The following NAV2 variants were observed in gnomAD, a reference collection of about 807,000 sequenced individuals.
The protein encoded by NAV2 is neuron navigator 2.
NAV2 carries 54 observed loss-of-function variants against 223.2 expected under a neutral mutation model. That is an observed-to-expected ratio of 0.24 (90% CI 0.19 to 0.30). The LOEUF is 0.30. NAV2 is among the 10% of genes least tolerant of loss of function. The probability of loss-of-function intolerance (pLI) is 1.00; values close to 1 mark genes in which losing one functional copy is unlikely to be tolerated. For missense variants in NAV2, 2,806 were observed against 3,147.5 expected, an observed-to-expected ratio of 0.89 and a Z score of 2.60; for synonymous variants, 1,279 against 1,239.3, an observed-to-expected ratio of 1.03 and a Z score of -0.67.
In NAV2 at chr11:20,097,628, A is replaced by G. The variant is rs1000482814; in HGVS notation, c.6064A>G (p.Ser2022Gly). Residue 2022 changes from serine (S) to glycine (G), a missense_variant, in exon 31 of 38, where the codon AGC becomes GGC. By Grantham distance (56) the Ser-to-Gly change is moderately conservative. Coordinates refer to ENST00000349880, the MANE Select transcript of NAV2 (RefSeq NM_145117.5). ...GAGTCAGCTAGGGCTGAATTCAGAC[A>G]GCGTTCTTGGCTACAGCATTGGAGA... ...PVSQLGLNSD[S>G]VLGYSIGEIK... 2 of 1,612,962 alleles carry G rather than the reference A, an allele frequency of 1.2e-6. No individual in the cohort carries two copies. The highest frequency in any genetic ancestry group is 1.3e-5 in the African/African-American group (1 of 74,894).
At chr11:19,957,982 T>A (rs11600689) in intron 10 of NAV2, among the ~76,000 whole-genome samples, 34,390 of 152,140 alleles carry the variant, frequency 0.23, 4,185 homozygotes, top group Middle Eastern at 0.37. Context: ...ATTTCCTAAC[T>A]AGCTTTGAGG....
chr11:19,381,065 T>A (rs962890342), intron 1 of NAV2, among the ~76,000 whole-genome samples: 15 of 152,180 alleles, frequency 9.9e-5, no homozygotes, highest in Admixed American at 9.8e-4. Flanking sequence ...TCTCTCTGCT[T>A]CCTAGAAGCC....
chr11:19,619,341 T>A (rs545112866), intron 1 of NAV2, among the ~76,000 whole-genome samples: 1 of 152,284 alleles, frequency 6.6e-6, no homozygotes, highest in East Asian at 1.9e-4. Context: ...CCACACTGAC[T>A]TCCACAATGG....
At chr11:19,936,616 C>T (rs1489879269) in intron 7 of NAV2, among the ~76,000 whole-genome samples, 4 of 152,138 alleles carry the variant, frequency 2.6e-5, no homozygotes, top group Non-Finnish European at 5.9e-5. Context: ...CACCAGGATA[C>T]GAATCAGGAC....
At chr11:19,372,251 T>C (rs992111370) in intron 1 of NAV2, among the ~76,000 whole-genome samples, 1 of 152,222 alleles carries the variant, frequency 6.6e-6, no homozygotes, top group African/African-American at 2.4e-5. Flanking sequence ...GTCATCCTTT[T>C]ATACCATAGC....
chr11:19,642,505 C>A (rs779636254), intron 1 of NAV2, among the ~76,000 whole-genome samples: 15 of 152,198 alleles, frequency 9.9e-5, no homozygotes, highest in Non-Finnish European at 1.6e-4. Context: ...TCTTGTCAGA[C>A]CTGCAGTTCC....
chr11:19,423,909 A>T (rs1850718251), intron 1 of NAV2, among the ~76,000 whole-genome samples: 1 of 152,170 alleles, frequency 6.6e-6, no homozygotes, highest in Non-Finnish European at 1.5e-5. Flanking sequence ...CTGAGGCATG[A>T]GCTGAGAATC....
intron 1 of NAV2, among the ~76,000 whole-genome samples, chr11:19,691,135 T>C (rs2049162839): frequency 6.6e-6 from 1 of 152,208 alleles, no homozygotes; most frequent in Non-Finnish European, 1.5e-5. Context: ...TCCCAGGTGC[T>C]ACTGCTGCTG....
At chr11:19,370,180 C>T (rs568785163) in intron 1 of NAV2, among the ~76,000 whole-genome samples, 62 of 152,354 alleles carry the variant, frequency 4.1e-4, no homozygotes, top group African/African-American at 1.5e-3. Context: ...CCCCTGCGAC[C>T]TTTCCTTTGC....
At chr11:19,905,596 G>T (rs1356776801) in intron 6 of NAV2, among the ~76,000 whole-genome samples, 1 of 152,168 alleles carries the variant, frequency 6.6e-6, no homozygotes, top group Non-Finnish European at 1.5e-5. Flanking sequence ...GTGCATGAAT[G>T]AGGCTCTGAC....
intron 1 of NAV2, among the ~76,000 whole-genome samples, chr11:19,635,624 A>G (rs183867956): frequency 6.6e-6 from 1 of 152,318 alleles, no homozygotes; most frequent in Non-Finnish European, 1.5e-5. Flanking sequence ...ATAGCAAGAG[A>G]GGAGGGAATA....
At chr11:19,668,997 T>C (rs1004194755) in intron 1 of NAV2, among the ~76,000 whole-genome samples, 1 of 151,916 alleles carries the variant, frequency 6.6e-6, no homozygotes, top group Non-Finnish European at 1.5e-5. Context: ...GCCAGCAAAA[T>C]GAAGGACAAG....
intron 1 of NAV2, among the ~76,000 whole-genome samples, chr11:19,630,951 A>G (rs1354984343): frequency 6.6e-6 from 1 of 151,500 alleles, no homozygotes; most frequent in African/African-American, 2.4e-5. Context: ...AAAAAGAAAA[A>G]AAAAAGAAAG....
intron 11 of NAV2, among the ~76,000 whole-genome samples, chr11:19,989,425 A>C (rs1214991725): frequency 2.0e-5 from 3 of 152,182 alleles, no homozygotes; most frequent in Non-Finnish European, 4.4e-5. Context: ...GAGCCTCCAG[A>C]AATGAATGTA....
chr11:19,794,237 T>A (rs969323332), intron 1 of NAV2, among the ~76,000 whole-genome samples: 1 of 152,220 alleles, frequency 6.6e-6, no homozygotes, highest in Non-Finnish European at 1.5e-5. Flanking sequence ...CTCGGCGTTG[T>A]AAGGAGGCTT....
At chr11:19,436,890 TA>T (rs1851236189) in intron 1 of NAV2, among the ~76,000 whole-genome samples, 1 of 152,196 alleles carries the variant, frequency 6.6e-6, no homozygotes, top group African/African-American at 2.4e-5. Flanking sequence ...AGTTCATTGT[TA>T]GTGTATAGAA....
chr11:20,036,717 A>T (rs745344690), intron 12 of NAV2, among the ~76,000 whole-genome samples: 8 of 152,216 alleles, frequency 5.3e-5, no homozygotes, highest in Non-Finnish European at 1.0e-4. Flanking sequence ...TGAGAAAAAC[A>T]AAGATATTGC....
chr11:19,614,432 T>G (rs1392861202), intron 1 of NAV2, among the ~76,000 whole-genome samples: 2 of 152,132 alleles, frequency 1.3e-5, no homozygotes, highest in Non-Finnish European at 2.9e-5. Flanking sequence ...TAAATTTTAT[T>G]GTATAGAGTA....
At chr11:19,523,363 GT>G (rs11351024) in intron 1 of NAV2, among the ~76,000 whole-genome samples, 9,495 of 152,194 alleles carry the variant, frequency 0.062, 967 homozygotes, top group African/African-American at 0.22. Flanking sequence ...GTCAGGAACA[GT>G]GCATCCCTCC....
Sources: allele counts gnomAD v4.1 joint callset (sites outside exome capture counted in the v4.1 genomes callset), GRCh38; gene constraint gnomAD v4.1.1; transcripts MANE v1.5; gene names NCBI Gene and HGNC (gene_info 2026-07-23, HGNC 2026-07-21).